PRKCB: variants seen among roughly 807,000 people sequenced by gnomAD.
The protein encoded by PRKCB is protein kinase C beta type.
Under a neutral mutation model 81.5 loss-of-function variants are expected in PRKCB, and 13 were observed. The ratio of observed to expected loss-of-function variants is 0.16; its 90% CI spans 0.10 to 0.25. The LOEUF is 0.25. PRKCB is among the 10% of genes least tolerant of loss of function. The pLI, the probability that PRKCB is intolerant of heterozygous loss-of-function variation, is 1.00. For synonymous variants in PRKCB, 335 were observed against 321.4 expected (o/e 1.04, Z -0.45); for missense variants, 509 against 875.7 (o/e 0.58, Z 5.29).
chr16:24,205,991 C>A (rs1968039848), intron 16 of PRKCB, among the ~76,000 whole-genome samples: 1 of 152,034 alleles, frequency 6.6e-6, no homozygotes, highest in Admixed American at 6.6e-5. Context: ...TGGAGGAAAT[C>A]AAAACACTGG....
intron 5 of PRKCB, among the ~76,000 whole-genome samples, chr16:24,069,909 C>T (rs1195690975): frequency 2.0e-5 from 3 of 152,202 alleles, no homozygotes; most frequent in South Asian, 2.1e-4. Context: ...CGGGTACTCC[C>T]GAGATGACGT....
intron 2 of PRKCB, among the ~76,000 whole-genome samples, chr16:23,914,849 G>A (rs922162995): frequency 6.6e-6 from 1 of 152,266 alleles, no homozygotes; most frequent in East Asian, 1.9e-4. Flanking sequence ...GATGTCCACC[G>A]TGCCTCAGCT....
chr16:24,146,035 C>G (rs775087673), intron 9 of PRKCB, among the ~76,000 whole-genome samples: 1 of 152,026 alleles, frequency 6.6e-6, no homozygotes, highest in Admixed American at 6.6e-5. Context: ...ATTTGGATAC[C>G]GACAGAACAC....
intron 3 of PRKCB, among the ~76,000 whole-genome samples, chr16:24,020,052 A>G (rs935157844): frequency 2.6e-5 from 4 of 152,240 alleles, no homozygotes; most frequent in Non-Finnish European, 5.9e-5. Context: ...AAGCATTTGT[A>G]CTTTGGATAG....
chr16:23,845,533 C>T (rs185800088), intron 2 of PRKCB, among the ~76,000 whole-genome samples: 1 of 152,296 alleles, frequency 6.6e-6, no homozygotes, highest in East Asian at 1.9e-4. Flanking sequence ...GTAATCACAG[C>T]ACTCCGGAAG....
At chr16:24,161,231 T>G (rs967737334) in intron 10 of PRKCB, among the ~76,000 whole-genome samples, 5 of 152,172 alleles carry the variant, frequency 3.3e-5, no homozygotes, top group African/African-American at 1.2e-4. Flanking sequence ...TTTTAAAAAC[T>G]TATTTAAAAA....
At chr16:24,006,375 C>T (rs190359951) in intron 3 of PRKCB, among the ~76,000 whole-genome samples, 211 of 152,288 alleles carry the variant, frequency 1.4e-3, no homozygotes, top group African/African-American at 4.2e-3. Flanking sequence ...TGCAGGCTAA[C>T]GAAGAACAGC....
intron 2 of PRKCB, among the ~76,000 whole-genome samples, chr16:23,863,273 C>CACAG (rs1280229166): frequency 6.7e-6 from 1 of 149,092 alleles, no homozygotes; most frequent in East Asian, 2.0e-4. Context: ...CACACACACA[C>CACAG]ACACACACAC....
chr16:24,215,998 A>AG lies in PRKCB; in HGVS notation c.*1182_*1183insG. The AG allele has an allele frequency of 1.0e-6, 1 of 984,544 alleles. No homozygotes were observed. The highest frequency in any genetic ancestry group is 1.2e-6 in the Non-Finnish European group (1 of 829,238). 61.0% of individuals were successfully genotyped at this position (984,544 alleles called of 1,614,324 possible). On this transcript the variant is annotated 3_prime_UTR_variant, in exon 17 of 17. Coordinates refer to ENST00000643927, the MANE Select transcript of PRKCB (RefSeq NM_002738.7). ...CATCGAGATACAATAAAAAAAAAAA[A>AG]AAAGAAAAGAAGAAGAAATACTATT...
chr16:23,852,264 G>A (rs535454272), intron 2 of PRKCB, among the ~76,000 whole-genome samples: 2 of 152,290 alleles, frequency 1.3e-5, no homozygotes, highest in East Asian at 3.9e-4. Flanking sequence ...AGCCCATAGT[G>A]TTTATTGTGT....
intron 2 of PRKCB, among the ~76,000 whole-genome samples, chr16:23,938,295 G>A (rs1964089361): frequency 6.6e-6 from 1 of 152,196 alleles, no homozygotes; most frequent in Non-Finnish European, 1.5e-5. Context: ...ATGTGTGAAG[G>A]CAACAGAAAG....
At chr16:24,133,216 C>CA (rs942294987) in intron 9 of PRKCB, among the ~76,000 whole-genome samples, 21 of 150,688 alleles carry the variant, frequency 1.4e-4, no homozygotes, top group Admixed American at 9.3e-4. Context: ...AAGCAAAAAA[C>CA]AAAAAAAAAT....
chr16:24,079,145 G>A (rs997624719), intron 5 of PRKCB, among the ~76,000 whole-genome samples: 2 of 151,884 alleles, frequency 1.3e-5, no homozygotes, highest in African/African-American at 2.4e-5. Context: ...ATTCTCCCCC[G>A]CCCTTAAGAA....
At chr16:24,042,120 A>G (rs143387546) in intron 5 of PRKCB, among the ~76,000 whole-genome samples, 328 of 152,192 alleles carry the variant, frequency 2.2e-3, no homozygotes, top group Non-Finnish European at 3.3e-3. Context: ...GGTTTGTTAT[A>G]TAGGTAAACT....
chr16:23,984,335 A>T (rs1297062041), intron 2 of PRKCB, among the ~76,000 whole-genome samples: 1 of 152,228 alleles, frequency 6.6e-6, no homozygotes, highest in African/African-American at 2.4e-5. Context: ...AAACTGAAGT[A>T]CAGGAAGATG....
At chr16:24,106,452 G>A (rs533413861) in intron 7 of PRKCB, among the ~76,000 whole-genome samples, 19 of 152,256 alleles carry the variant, frequency 1.2e-4, no homozygotes, top group African/African-American at 4.6e-4. Context: ...GAGAGAGAGA[G>A]TGAAGCAAAA....
At chr16:24,085,457 C>T (rs1966300398) in intron 5 of PRKCB, among the ~76,000 whole-genome samples, 1 of 152,214 alleles carries the variant, frequency 6.6e-6, no homozygotes, top group Non-Finnish European at 1.5e-5. Flanking sequence ...TTTGTTGAGC[C>T]TCTGCCATGT....
intron 3 of PRKCB, among the ~76,000 whole-genome samples, chr16:24,004,243 A>C (rs1965082958): frequency 6.6e-6 from 1 of 152,174 alleles, no homozygotes; most frequent in Non-Finnish European, 1.5e-5. Context: ...TTGGATGAGC[A>C]ATGTACAACT....
intron 9 of PRKCB, among the ~76,000 whole-genome samples, chr16:24,126,459 G>A (rs1053750650): frequency 2.0e-5 from 3 of 151,944 alleles, no homozygotes; most frequent in East Asian, 1.9e-4. Context: ...GGTGCATTAC[G>A]GTTCACTGCA....
Sources: allele counts gnomAD v4.1 joint callset (sites outside exome capture counted in the v4.1 genomes callset), GRCh38; gene constraint gnomAD v4.1.1; transcripts MANE v1.5; gene names NCBI Gene and HGNC (gene_info 2026-07-23, HGNC 2026-07-21).